TMTC2: variants seen among roughly 807,000 people sequenced by gnomAD.
TMTC2 encodes transmembrane O-mannosyltransferase targeting cadherins 2.
TMTC2 carries 43 observed loss-of-function variants against 82.4 expected under a neutral mutation model. The observed-to-expected ratio is 0.52, with a 90% CI of 0.41 to 0.67. The LOEUF (loss-of-function observed/expected upper bound fraction) is 0.67. TMTC2 is among the 30% of genes least tolerant of loss of function. The pLI, the probability that TMTC2 is intolerant of heterozygous loss-of-function variation, is 0.00. For missense variants in TMTC2, 919 were observed against 1,012.4 expected (o/e 0.91, Z 1.25); for synonymous variants, 408 against 381.9 (o/e 1.07, Z -0.80).
chr12:82,805,908 A>G (rs1879221688), intron 1 of TMTC2, among the ~76,000 whole-genome samples: 1 of 152,078 alleles, frequency 6.6e-6, no homozygotes, highest in African/African-American at 2.4e-5. Flanking sequence ...TCTTTATTGA[A>G]CATCTAGTTG....
chr12:82,854,845 A>G (rs1296426750), intron 1 of TMTC2, among the ~76,000 whole-genome samples: 1 of 152,184 alleles, frequency 6.6e-6, no homozygotes, highest in Non-Finnish European at 1.5e-5. Flanking sequence ...ATAATCATCA[A>G]CTTCTGATCG....
chr12:82,889,170 G>C (rs7972978), intron 2 of TMTC2, among the ~76,000 whole-genome samples: 2 of 151,132 alleles, frequency 1.3e-5, no homozygotes, highest in African/African-American at 2.4e-5. Context: ...CCAGCTACTC[G>C]AGAGGCTGAG....
At chr12:82,766,160 A>G (rs1476080669) in intron 1 of TMTC2, among the ~76,000 whole-genome samples, 2 of 152,078 alleles carry the variant, frequency 1.3e-5, no homozygotes, top group Non-Finnish European at 2.9e-5. Context: ...AAAGCTCCAA[A>G]TTTCTACCTA....
intron 1 of TMTC2, among the ~76,000 whole-genome samples, chr12:82,782,858 G>C (rs1877975685): frequency 6.6e-6 from 1 of 152,094 alleles, no homozygotes; most frequent in Non-Finnish European, 1.5e-5. Context: ...TTGATAATGT[G>C]ACATTTATTG....
intron 1 of TMTC2, among the ~76,000 whole-genome samples, chr12:82,769,778 T>G (rs149494063): frequency 0.015 from 2,239 of 152,100 alleles, 50 homozygotes; most frequent in African/African-American, 0.05. Context: ...GCCCAGCTAA[T>G]TTTTGTATTT....
At chr12:83,115,648 T>A (rs1477823447) in intron 11 of TMTC2, among the ~76,000 whole-genome samples, 2 of 19,612 alleles carry the variant, frequency 1.0e-4, no homozygotes, top group Non-Finnish European at 1.6e-4. Context: ...TTTTTTATTA[T>A]TTTTTTTTTT....
At chr12:82,991,274 A>T (rs969997795) in intron 8 of TMTC2, among the ~76,000 whole-genome samples, 3 of 152,098 alleles carry the variant, frequency 2.0e-5, no homozygotes, top group Non-Finnish European at 4.4e-5. Context: ...GATTAAACTG[A>T]TTGGAGATTG....
intron 11 of TMTC2, among the ~76,000 whole-genome samples, chr12:83,072,052 G>C (rs564026588): frequency 6.6e-6 from 1 of 152,110 alleles, no homozygotes; most frequent in East Asian, 1.9e-4. Flanking sequence ...TGCTGGGTTT[G>C]GATTTGGTTT....
At chr12:82,749,129 G>A (rs926251098) in intron 1 of TMTC2, among the ~76,000 whole-genome samples, 1 of 152,116 alleles carries the variant, frequency 6.6e-6, no homozygotes, top group Non-Finnish European at 1.5e-5. Context: ...CTTATTTCAC[G>A]TCAAATATGT....
chr12:82,953,509 G>A (rs768549029), intron 4 of TMTC2, among the ~76,000 whole-genome samples: 3 of 152,060 alleles, frequency 2.0e-5, no homozygotes, highest in East Asian at 3.8e-4. Flanking sequence ...TGAGTGTACC[G>A]TGCTATTAAA....
chr12:83,063,150 T>G, intron 11 of TMTC2, among the ~76,000 whole-genome samples: 1 of 151,792 alleles, frequency 6.6e-6, no homozygotes, highest in East Asian at 1.9e-4. Context: ...GGTAATCAGT[T>G]GGGAGGAACT....
intron 4 of TMTC2, among the ~76,000 whole-genome samples, chr12:82,937,235 G>A (rs189552578): frequency 8.1e-4 from 124 of 152,172 alleles, no homozygotes; most frequent in Non-Finnish European, 1.3e-3. Context: ...TCAAGGTGTT[G>A]GCAGGGCCAT....
At chr12:83,082,979 G>A (rs1883525719) in intron 11 of TMTC2, among the ~76,000 whole-genome samples, 1 of 152,118 alleles carries the variant, frequency 6.6e-6, no homozygotes, top group African/African-American at 2.4e-5. Context: ...ACAGTAAACG[G>A]GGCTTCATCT....
intron 11 of TMTC2, among the ~76,000 whole-genome samples, chr12:83,124,465 G>A (rs1885045065): frequency 6.6e-6 from 1 of 151,984 alleles, no homozygotes; most frequent in Non-Finnish European, 1.5e-5. Flanking sequence ...CTTATAACAA[G>A]TAGCTGTAAT....
intron 4 of TMTC2, among the ~76,000 whole-genome samples, chr12:82,938,155 C>A (rs1876511160): frequency 6.6e-6 from 1 of 151,800 alleles, no homozygotes; most frequent in African/African-American, 2.4e-5. Flanking sequence ...CTGAGGTGAT[C>A]CACCCACCTC....
chr12:82,784,260 T>C (rs1419243994), intron 1 of TMTC2, among the ~76,000 whole-genome samples: 1 of 152,092 alleles, frequency 6.6e-6, no homozygotes, highest in Non-Finnish European at 1.5e-5. Flanking sequence ...CAGTTAATTA[T>C]TTTGTGCAAC....
intron 11 of TMTC2, among the ~76,000 whole-genome samples, chr12:83,124,959 G>C (rs1885060315): frequency 6.6e-6 from 1 of 152,148 alleles, no homozygotes; most frequent in African/African-American, 2.4e-5. Context: ...ATGAAGAGTA[G>C]TAAAGAGAGG....
intron 11 of TMTC2, among the ~76,000 whole-genome samples, chr12:83,121,985 G>A (rs554827429): frequency 2.6e-5 from 4 of 152,148 alleles, no homozygotes; most frequent in South Asian, 2.1e-4. Context: ...CTGAAGGGCC[G>A]GTCTGACTCC....
intron 1 of TMTC2, among the ~76,000 whole-genome samples, chr12:82,836,812 A>G (rs1008978368): frequency 4.6e-5 from 7 of 151,928 alleles, no homozygotes; most frequent in African/African-American, 1.4e-4. Flanking sequence ...AACAATAACT[A>G]CAACTAACAG....
Sources: gnomAD v4.1 joint callset for allele counts (sites outside exome capture counted in the v4.1 genomes callset) on GRCh38, gnomAD v4.1.1 for gene constraint, MANE v1.5 for transcripts, NCBI Gene and HGNC (gene_info 2026-07-23, HGNC 2026-07-21) for gene names.